The following STXBP5 variants were observed in gnomAD, a reference collection of about 807,000 sequenced individuals.
The protein encoded by STXBP5 is syntaxin-binding protein 5.
A neutral mutation model predicts 152.4 loss-of-function variants in STXBP5; 50 were observed. That is an observed-to-expected ratio of 0.33 (90% CI 0.26 to 0.42). STXBP5 has a LOEUF of 0.42. Ranked by LOEUF, STXBP5 falls within the 10% of genes least tolerant of loss-of-function variation. STXBP5 has a pLI of 1.00. For synonymous variants in STXBP5, 492 were observed against 494.7 expected (o/e 0.99, Z 0.07); for missense variants, 1,167 against 1,388.6 (o/e 0.84, Z 2.54).
At chr6:147,228,067 C>G (rs1288267858) in intron 2 of STXBP5, among the ~76,000 whole-genome samples, 1 of 152,022 alleles carries the variant, frequency 6.6e-6, no homozygotes, top group African/African-American at 2.4e-5. Flanking sequence ...GTCAACTGTA[C>G]TGTTTTCCTC....
At chr6:147,330,987 G>A (rs1347738392) in intron 18 of STXBP5, among the ~76,000 whole-genome samples, 3 of 152,190 alleles carry the variant, frequency 2.0e-5, no homozygotes. Context: ...GGCTGAAAAA[G>A]CCTGAACTAT....
intron 9 of STXBP5, among the ~76,000 whole-genome samples, chr6:147,309,876 G>T (rs1782277980): frequency 6.6e-6 from 1 of 151,986 alleles, no homozygotes. Flanking sequence ...TTTAGTCAAT[G>T]TTTATTTTTA....
At chr6:147,282,386 C>G (rs550402843) in intron 8 of STXBP5, among the ~76,000 whole-genome samples, 48 of 152,264 alleles carry the variant, frequency 3.2e-4, no homozygotes, top group African/African-American at 1.0e-3. Context: ...AAACATTTCC[C>G]TGGCAGTCAG....
chr6:147,239,697 A>C (rs1307455140), intron 4 of STXBP5, among the ~76,000 whole-genome samples: 1 of 152,194 alleles, frequency 6.6e-6, no homozygotes, highest in Non-Finnish European at 1.5e-5. Context: ...TAATTTATTC[A>C]GCCATTCCTC....
At chr6:147,235,473 C>T (rs573130740) in intron 3 of STXBP5, 142 bp downstream of exon 3, 10 of 658,336 alleles carry the variant, frequency 1.5e-5, no homozygotes, top group Admixed American at 1.2e-4. Flanking sequence ...AGTAGTAATT[C>T]GTTTTAAGGT....
At position 147,319,308 on chromosome 6, in the gene STXBP5, A is replaced by G. The variant is rs1000237664; in HGVS notation, c.1802+2901A>G. On this transcript the variant is annotated intron_variant, in intron 16 of 27. Coordinates refer to ENST00000321680, the MANE Select transcript of STXBP5 (RefSeq NM_001127715.4). ...ACCACTCTTCTCCTATAATTTGATT[A>G]GCCTGGAATTATTCCATTTAATATT... is the stretch of plus-strand genomic sequence containing the variant. Among the ~76,000 whole-genome samples the G allele has an allele frequency of 3.9e-5, 6 of 152,156 alleles. No homozygotes were observed. The East Asian group carries it at 1.2e-3, about 29-fold the overall frequency.
At chr6:147,274,224 G>T (rs925906879) in intron 7 of STXBP5, among the ~76,000 whole-genome samples, 1 of 151,998 alleles carries the variant, frequency 6.6e-6, no homozygotes, top group African/African-American at 2.4e-5. Context: ...TCAAAATAAT[G>T]GAAGAAAGTT....
chr6:147,206,816 A>AT (rs758116361), intron 2 of STXBP5, among the ~76,000 whole-genome samples: 2 of 152,058 alleles, frequency 1.3e-5, no homozygotes, highest in Non-Finnish European at 2.9e-5. Context: ...TTTCAAGATA[A>AT]TTTTTTAGTG....
intron 11 of STXBP5, 60 bp from the exon 12 acceptor site, chr6:147,313,824 A>G (rs1782502212): frequency 2.7e-6 from 3 of 1,122,710 alleles, no homozygotes; most frequent in East Asian, 2.7e-5. Context: ...TTATTTTTGT[A>G]TTAATCATAT....
intron 27 of STXBP5, 131 bp from the exon 28 acceptor site, chr6:147,384,583 G>A: frequency 2.3e-6 from 2 of 870,200 alleles, no homozygotes; most frequent in South Asian, 3.0e-5. Flanking sequence ...TTAATAAGTT[G>A]AAGTAAGCAT....
chr6:147,271,608 G>T (rs966585577), intron 7 of STXBP5, among the ~76,000 whole-genome samples: 2 of 151,952 alleles, frequency 1.3e-5, no homozygotes, highest in African/African-American at 4.8e-5. Context: ...TGAAAAAAAC[G>T]ATTTACCAAG....
At chr6:147,360,650 T>TC (rs1785023395) in intron 23 of STXBP5, among the ~76,000 whole-genome samples, 1 of 152,186 alleles carries the variant, frequency 6.6e-6, no homozygotes, top group Admixed American at 6.5e-5. Context: ...ATTTTTCATC[T>TC]CCAAGTGTGA....
chr6:147,255,692 T>G (rs1439730923), intron 4 of STXBP5, among the ~76,000 whole-genome samples: 2 of 152,122 alleles, frequency 1.3e-5, no homozygotes, highest in African/African-American at 4.8e-5. Context: ...TATACATTTC[T>G]TGTAGAGACA....
intron 22 of STXBP5, among the ~76,000 whole-genome samples, chr6:147,358,026 C>A (rs995193117): frequency 6.6e-6 from 1 of 152,058 alleles, no homozygotes. Context: ...TTTTTAAATG[C>A]GCCTGTCATT....
chr6:147,356,831 A>G (rs1304916256), intron 22 of STXBP5, among the ~76,000 whole-genome samples: 1 of 152,158 alleles, frequency 6.6e-6, no homozygotes, highest in Non-Finnish European at 1.5e-5. Flanking sequence ...TATAGTTTTC[A>G]CATTTTGAAG....
At chr6:147,376,585 G>A (rs1043283579) in intron 26 of STXBP5, among the ~76,000 whole-genome samples, 1 of 152,130 alleles carries the variant, frequency 6.6e-6, no homozygotes. Flanking sequence ...GGAAAGCTTA[G>A]CCGGGAGGGT....
At chr6:147,305,062 A>C (rs1178414946) in intron 9 of STXBP5, among the ~76,000 whole-genome samples, 1 of 152,158 alleles carries the variant, frequency 6.6e-6, no homozygotes, top group Non-Finnish European at 1.5e-5. Flanking sequence ...TAGAAGTCTC[A>C]ATTTTTGTGC....
Position 147,316,336 on chromosome 6 carries a change from C to G in STXBP5, c.1731C>G (p.Ile577Met). 1 of 1,612,778 alleles carries G rather than the reference C, an allele frequency of 6.2e-7. No homozygotes were observed. Among genetic ancestry groups the G allele is most frequent in the South Asian group, 1.1e-5 (1 of 90,964 alleles). Residue 577 changes from isoleucine (I) to methionine (M), a missense_variant, in exon 16 of 28, where the codon ATC (isoleucine) becomes ATG (methionine). Physicochemically the swap from Ile to Met is conservative, Grantham distance 10 (BLOSUM62 1). Around this residue, in one of 3 missense-constraint regions of STXBP5, gnomAD observed 833 missense variants for 986.3 expected, o/e 0.84. Coordinates refer to ENST00000321680, the MANE Select transcript of STXBP5 (RefSeq NM_001127715.4). The part of the protein sequence containing the change: ...TPVGGSNPQP[I>M]PPQSHPSTSS... ...TGGGAGGGTCCAACCCTCAGCCCAT[C>G]CCTCCTCAGTCTCATCCATCTACCA...
chr6:147,258,250 A>G (rs138124747), intron 4 of STXBP5, among the ~76,000 whole-genome samples: 8 of 152,230 alleles, frequency 5.3e-5, no homozygotes, highest in African/African-American at 1.4e-4. Flanking sequence ...GTTCAGTGCC[A>G]TTTGTTTCAT....
Sources: gnomAD v4.1 joint callset for allele counts (sites outside exome capture counted in the v4.1 genomes callset) on GRCh38, gnomAD v4.1.1 for gene constraint, gnomAD v4.1.1 regional missense constraint, MANE v1.5 for transcripts, NCBI Gene and HGNC (gene_info 2026-07-23, HGNC 2026-07-21) for gene names.